The following GNA12 variants were observed in gnomAD, a reference collection of about 807,000 sequenced individuals.
GNA12 encodes guanine nucleotide-binding protein subunit alpha-12.
Under a neutral mutation model 26.0 loss-of-function variants are expected in GNA12, and 9 were observed. The ratio of observed to expected loss-of-function variants is 0.35; its 90% CI spans 0.21 to 0.60. GNA12 has a LOEUF of 0.60. GNA12 is among the 20% of genes least tolerant of loss of function. The pLI is 0.78. For synonymous variants in GNA12, 264 were observed against 219.6 expected, an observed-to-expected ratio of 1.20 and a Z score of -1.79; for missense variants, 405 against 525.8, an observed-to-expected ratio of 0.77 and a Z score of 2.25.
At chr7:2,787,339 AC>A (rs1480514285) in intron 2 of GNA12, among the ~76,000 whole-genome samples, 3 of 152,126 alleles carry the variant, frequency 2.0e-5, no homozygotes, top group African/African-American at 7.2e-5. Flanking sequence ...TGTCAGTCAA[AC>A]CACAGCACGC....
At chr7:2,763,757 C>G (rs960722055) in intron 2 of GNA12, among the ~76,000 whole-genome samples, 2 of 152,188 alleles carry the variant, frequency 1.3e-5, no homozygotes, top group Admixed American at 6.5e-5. Flanking sequence ...ATGCCTCCCC[C>G]ACAGGCTCTG....
chr7:2,830,176 T>C (rs1319915771), intron 1 of GNA12, among the ~76,000 whole-genome samples: 1 of 152,222 alleles, frequency 6.6e-6, no homozygotes. Flanking sequence ...GCAATGGCTC[T>C]TTCTTGCCTC....
intron 2 of GNA12, among the ~76,000 whole-genome samples, chr7:2,787,106 A>G (rs763867825): frequency 6.6e-5 from 10 of 152,082 alleles, no homozygotes; most frequent in Non-Finnish European, 1.5e-4. Flanking sequence ...CAGACAGAAC[A>G]CAACAACCCT....
chr7:2,762,334 T>C, intron 2 of GNA12: 1 of 354,140 alleles, frequency 2.8e-6, no homozygotes, highest in Non-Finnish European at 5.1e-6. Flanking sequence ...GCGCGACTGC[T>C]GCTGGACACA....
At chr7:2,836,826 A>T (rs1778850197) in intron 1 of GNA12, among the ~76,000 whole-genome samples, 2 of 152,182 alleles carry the variant, frequency 1.3e-5, no homozygotes, top group South Asian at 4.1e-4. Flanking sequence ...TGGGAGGCTG[A>T]GGCAGGAGAA....
chr7:2,752,318 C>G (rs368218231), intron 2 of GNA12, among the ~76,000 whole-genome samples: 9 of 152,130 alleles, frequency 5.9e-5, no homozygotes, highest in African/African-American at 2.2e-4. Flanking sequence ...TCTATGAAAA[C>G]CATGCAACTA....
chr7:2,762,987 T>C, intron 2 of GNA12: 5 of 1,318,390 alleles, frequency 3.8e-6, no homozygotes, highest in Non-Finnish European at 4.8e-6. Flanking sequence ...AGAGCCCTTG[T>C]GTGCTACTGT....
At chr7:2,830,664 G>A (rs944103317) in intron 1 of GNA12, among the ~76,000 whole-genome samples, 1 of 152,202 alleles carries the variant, frequency 6.6e-6, no homozygotes, top group African/African-American at 2.4e-5. Context: ...AGATCTCTCT[G>A]CAAGGAAACA....
At chr7:2,769,969 T>C (rs1045580379) in intron 2 of GNA12, among the ~76,000 whole-genome samples, 5 of 152,344 alleles carry the variant, frequency 3.3e-5, no homozygotes, top group African/African-American at 9.6e-5. Flanking sequence ...GGGGGGCAAG[T>C]ACTTTTTCAA....
intron 1 of GNA12, among the ~76,000 whole-genome samples, chr7:2,833,527 C>G (rs765254094): frequency 1.3e-5 from 2 of 152,110 alleles, no homozygotes; most frequent in Admixed American, 6.5e-5. Context: ...CATGTAAACT[C>G]GAAAGCCAGG....
chr7:2,786,873 C>G lies in GNA12; in HGVS notation c.525+8055G>C, dbSNP rs76429587. On this transcript the variant is annotated intron_variant, in intron 2 of 3. Coordinates refer to ENST00000275364, the MANE Select transcript of GNA12 (RefSeq NM_007353.3). ...GACCTGAAGGAACGATGGGTGATGG[C>G]CTTCATGGGGAGACTGGGGACTCTG... is the stretch of plus-strand genomic sequence containing the variant. 9.3e-3 allele frequency among the ~76,000 whole-genome samples: 1,415 copies of G among 152,236 alleles called. 17 individuals are homozygous for G. Among genetic ancestry groups the G allele is most frequent in the African/African-American group, 0.032 (1,335 of 41,540 alleles).
intron 2 of GNA12, among the ~76,000 whole-genome samples, chr7:2,739,490 T>C (rs1790389294): frequency 2.0e-5 from 2 of 99,314 alleles, no homozygotes; most frequent in Non-Finnish European, 4.8e-5. Flanking sequence ...TATATATATA[T>C]GTATATTACA....
chr7:2,815,608 C>T (rs1182198959), intron 1 of GNA12, among the ~76,000 whole-genome samples: 1 of 152,190 alleles, frequency 6.6e-6, no homozygotes, highest in Non-Finnish European at 1.5e-5. Flanking sequence ...AATCCTAAAC[C>T]GCGGATGCTG....
chr7:2,828,934 G>A (rs949196020), intron 1 of GNA12, among the ~76,000 whole-genome samples: 7 of 152,256 alleles, frequency 4.6e-5, no homozygotes, highest in African/African-American at 1.7e-4. Context: ...TGAGCCAGGT[G>A]TGGTGGTGTC....
chr7:2,816,568 T>C (rs77704511), intron 1 of GNA12, among the ~76,000 whole-genome samples: 1,751 of 152,304 alleles, frequency 0.011, 33 homozygotes, highest in African/African-American at 0.041. Context: ...TTCAAAATAA[T>C]GCCATTTCCA....
intron 2 of GNA12, among the ~76,000 whole-genome samples, chr7:2,783,642 T>G (rs1275784674): frequency 2.9e-5 from 4 of 136,990 alleles, no homozygotes; most frequent in Non-Finnish European, 6.4e-5. Context: ...GCTTAGAGGC[T>G]GTAACACATT....
intron 1 of GNA12, among the ~76,000 whole-genome samples, chr7:2,801,537 G>A (rs941268584): frequency 6.6e-6 from 1 of 152,148 alleles, no homozygotes; most frequent in African/African-American, 2.4e-5. Flanking sequence ...GCAGGCTGGA[G>A]CTGGTCCAAA....
chr7:2,841,147 C>CTTTT (rs1392491048), intron 1 of GNA12, among the ~76,000 whole-genome samples: 1 of 151,980 alleles, frequency 6.6e-6, no homozygotes, highest in Admixed American at 6.5e-5. Context: ...GTTGAGTTTT[C>CTTTT]TTTTTTTCTT....
chr7:2,777,040 G>A (rs1023426416), intron 2 of GNA12, among the ~76,000 whole-genome samples: 2 of 152,132 alleles, frequency 1.3e-5, no homozygotes, highest in Non-Finnish European at 2.9e-5. Context: ...TGGGGTTCAC[G>A]GTGACTGCAG....
Sources: allele counts gnomAD v4.1 joint callset (sites outside exome capture counted in the v4.1 genomes callset), GRCh38; gene constraint gnomAD v4.1.1; transcripts MANE v1.5; gene names NCBI Gene and HGNC (gene_info 2026-07-23, HGNC 2026-07-21).